PKHD1L1: variants seen among roughly 807,000 people sequenced by gnomAD.
PKHD1L1 encodes PKHD1 like 1, also known as fibrocystin-L.
A neutral mutation model predicts 462.9 loss-of-function variants in PKHD1L1; 434 were observed. That is an observed-to-expected ratio of 0.94 (90% CI 0.87 to 1.02). PKHD1L1 has a LOEUF of 1.02. PKHD1L1 is among the 50% of genes least tolerant of loss of function. The probability of loss-of-function intolerance (pLI) is 0.00; values close to 1 mark genes in which losing one functional copy is unlikely to be tolerated. For synonymous variants in PKHD1L1, 1,781 were observed against 1,750.0 expected, an observed-to-expected ratio of 1.02 and a Z score of -0.44; for missense variants, 5,202 against 5,096.1, an observed-to-expected ratio of 1.02 and a Z score of -0.63.
chr8:109,383,157 TTA>T (rs71305942), intron 4 of PKHD1L1, among the ~76,000 whole-genome samples: 3 of 100,940 alleles, frequency 3.0e-5, no homozygotes, highest in Non-Finnish European at 5.4e-5. Context: ...TTATATATAT[TTA>T]TATATAATAT....
At chr8:109,482,518 G>T (rs1240947651) in intron 56 of PKHD1L1, among the ~76,000 whole-genome samples, 1 of 151,596 alleles carries the variant, frequency 6.6e-6, no homozygotes, top group Non-Finnish European at 1.5e-5. Flanking sequence ...GATTTGTGGT[G>T]ATAGTATTGT....
chr8:109,536,153 G>A lies in PKHD1L1; in HGVS notation c.*6063G>A, dbSNP rs532994260. On this transcript the variant is annotated 3_prime_UTR_variant, in exon 78 of 78. Transcript: ENST00000378402. ...ACTATTCCATGTTGTGAGCTAAAGG[G>A]GATTGTACTGATCTTGAAGATAACA... Among the ~76,000 whole-genome samples, 9 of 152,208 alleles carry A rather than the reference G, an allele frequency of 5.9e-5. No individual in the cohort carries two copies. In the East Asian group the frequency reaches 1.2e-3, roughly 20 times the overall value.
In PKHD1L1 at chr8:109,404,691, C is replaced by A; in HGVS notation, c.1511C>A (p.Ser504Ter). 6.2e-7 allele frequency: 1 copy of A among 1,605,010 alleles called. No homozygotes were observed. The highest frequency in any genetic ancestry group is 1.1e-5 in the South Asian group (1 of 89,506). ...GAAGAACAAGTTATCAAATCCCAGT[C>A]GACAATCCTCCAGGAAGTACAGGTT... Reference protein sequence around the residue: ...VNEEQVIKSQSTILQEVQVIT... With the variant: ...VNEEQVIKSQ The change falls in exon 15 of 78, where the codon TCG (serine) becomes TAG (stop). Residue 504 changes from serine (S) to a stop codon, truncating the protein, a stop_gained. Coordinates refer to ENST00000378402, the MANE Select transcript of PKHD1L1 (RefSeq NM_177531.6). LOFTEE classifies it high-confidence loss of function.
intron 2 of PKHD1L1, among the ~76,000 whole-genome samples, chr8:109,375,311 C>A (rs1935834101): frequency 6.6e-6 from 1 of 152,184 alleles, no homozygotes; most frequent in Non-Finnish European, 1.5e-5. Context: ...GAGGCTTGTG[C>A]ATTTGTCACG....
At chr8:109,387,103 A>G (rs1467332949) in intron 6 of PKHD1L1, among the ~76,000 whole-genome samples, 6 of 152,186 alleles carry the variant, frequency 3.9e-5, no homozygotes, top group Admixed American at 6.5e-5. Context: ...GCAATTTATT[A>G]TGCCTGGATT....
intron 5 of PKHD1L1, among the ~76,000 whole-genome samples, chr8:109,385,027 TCAGA>T (rs1812363601): frequency 6.6e-6 from 1 of 151,976 alleles, no homozygotes; most frequent in South Asian, 2.1e-4. Flanking sequence ...TTTTCTGTCA[TCAGA>T]CAACCTTTTA....
At chr8:109,440,659 A>G (rs1815726316) in intron 32 of PKHD1L1, 51 bp from the exon 33 acceptor site, 1 of 1,544,694 alleles carries the variant, frequency 6.5e-7, no homozygotes, top group East Asian at 2.3e-5. Flanking sequence ...GAGTTTAGCA[A>G]GATAAATCAG....
chr8:109,497,447 T>A (rs1819161208), intron 65 of PKHD1L1, among the ~76,000 whole-genome samples, 175 bp downstream of exon 65: 1 of 150,476 alleles, frequency 6.6e-6, no homozygotes, highest in African/African-American at 2.4e-5. Flanking sequence ...TTTTTTTTTT[T>A]TTTGAGATGG....
At position 109,497,185 on chromosome 8, in the gene PKHD1L1, G is replaced by A. The variant is rs767600021; in HGVS notation, c.10512G>A (p.Leu3504=). ...TESVHIYNVT[L]VDNGMAIFPM... ...GTGTGCACATTTATAATGTGACCCT[G>A]GTTGACAATGGAATGGCCATTTTTC... is the stretch of plus-strand genomic sequence containing the variant. Residue 3504 remains leucine, a synonymous_variant, in exon 65 of 78, where the codon CTG becomes CTA. Transcript: ENST00000378402. The A allele has an allele frequency of 6.2e-7, 1 of 1,613,734 alleles. No homozygotes were observed. The highest frequency in any genetic ancestry group is 1.7e-5 in the Admixed American group (1 of 60,008).
chr8:109,418,218 C>T (rs188929082), intron 21 of PKHD1L1, among the ~76,000 whole-genome samples: 38 of 152,074 alleles, frequency 2.5e-4, no homozygotes, highest in Admixed American at 6.6e-4. Context: ...TACAGTTCTA[C>T]GCTGAGGCCC....
At chr8:109,484,551 C>G (rs1818431075) in intron 57 of PKHD1L1, among the ~76,000 whole-genome samples, 1 of 151,916 alleles carries the variant, frequency 6.6e-6, no homozygotes, top group Admixed American at 6.6e-5. Flanking sequence ...AAGGGTACAT[C>G]TGAGCAGAGA....
At chr8:109,486,485 A>G (rs530372987) in intron 58 of PKHD1L1, among the ~76,000 whole-genome samples, 163 bp from the exon 59 acceptor site, 2 of 152,182 alleles carry the variant, frequency 1.3e-5, no homozygotes, top group Admixed American at 1.3e-4. Context: ...GAATATCATA[A>G]TATCAGACTG....
chr8:109,384,003 T>C (rs553302827), intron 4 of PKHD1L1, 67 bp from the exon 5 acceptor site: 148 of 1,037,004 alleles, frequency 1.4e-4, no homozygotes, highest in Non-Finnish European at 2.0e-4. Flanking sequence ...TGTAAGAAAT[T>C]ATCTATTTCA....
In PKHD1L1 at chr8:109,470,520, G is replaced by A. The variant is rs557481212; in HGVS notation, c.8605+3751G>A. 6.5e-4 allele frequency: 1,048 copies of A among 1,610,910 alleles called. 7 individuals are homozygous for A. The African/African-American group carries it at 0.012, about 18-fold the overall frequency. On this transcript the variant is annotated intron_variant, in intron 50 of 77. Coordinates refer to ENST00000378402, the MANE Select transcript of PKHD1L1 (RefSeq NM_177531.6). ...AACTGGCTGGAAAAGAAAGGGAAAA[G>A]AAGCAGGGATTTGATTTTGATTCCT...
Position 109,362,574 on chromosome 8 carries a change from C to A in PKHD1L1, c.-7C>A. On this transcript the variant is annotated 5_prime_UTR_variant, in exon 1 of 78. Coordinates refer to ENST00000378402, the MANE Select transcript of PKHD1L1 (RefSeq NM_177531.6). ...GAGGGCACCAACTCCGCAGAACTGGCTTTTCAATGGGACACCTGTGGCTCC... is the reference window on the plus strand; with the variant it reads ...GAGGGCACCAACTCCGCAGAACTGGATTTTCAATGGGACACCTGTGGCTCC... 1 of 1,605,516 alleles carries A rather than the reference C, an allele frequency of 6.2e-7. No homozygotes were observed. Among genetic ancestry groups the A allele is most frequent in the Non-Finnish European group, 8.5e-7 (1 of 1,176,114 alleles).
chr8:109,511,351 C>G (rs1423308731), intron 71 of PKHD1L1, among the ~76,000 whole-genome samples: 18 of 118,890 alleles, frequency 1.5e-4, no homozygotes, highest in Non-Finnish European at 1.9e-4. Flanking sequence ...CCCCTCCCCC[C>G]ACCCCACAAC....
At chr8:109,408,336 T>C (rs1813669622) in intron 18 of PKHD1L1, 130 bp downstream of exon 18, 10 of 814,576 alleles carry the variant, frequency 1.2e-5, no homozygotes, top group African/African-American at 1.7e-5. Flanking sequence ...TATCACCTGA[T>C]CAACTCACCA....
intron 40 of PKHD1L1, among the ~76,000 whole-genome samples, chr8:109,449,846 G>A (rs1816382988): frequency 6.6e-6 from 1 of 152,134 alleles, no homozygotes; most frequent in Admixed American, 6.5e-5. Flanking sequence ...CGCCGATAGT[G>A]CATTGCTAAA....
intron 59 of PKHD1L1, among the ~76,000 whole-genome samples, chr8:109,489,257 T>A (rs944461050): frequency 2.0e-5 from 3 of 151,916 alleles, no homozygotes; most frequent in African/African-American, 7.3e-5. Flanking sequence ...CAGCCATGAG[T>A]TCCTGTGCCT....
Sources: gnomAD v4.1 joint callset for allele counts (sites outside exome capture counted in the v4.1 genomes callset) on GRCh38, gnomAD v4.1.1 for gene constraint, MANE v1.5 for transcripts, NCBI Gene and HGNC (gene_info 2026-07-23, HGNC 2026-07-21) for gene names.